Variants in ACO1 observed in about 807,000 individuals in gnomAD.
ACO1 encodes the protein cytoplasmic aconitate hydratase.
A neutral mutation model predicts 105.1 loss-of-function variants in ACO1; 78 were observed. That is an observed-to-expected ratio of 0.74 (90% CI 0.62 to 0.90). The LOEUF (loss-of-function observed/expected upper bound fraction) is 0.90, where lower values mean the gene tolerates loss of function less well. ACO1 is among the 40% of genes least tolerant of loss of function. ACO1 has a pLI of 0.00. For synonymous variants in ACO1, 364 were observed against 397.4 expected (o/e 0.92, Z 1.00); for missense variants, 965 against 1,111.1 (o/e 0.87, Z 1.87).
chr9:32,426,186 G>A (rs1360399349), intron 11 of ACO1, among the ~76,000 whole-genome samples, 189 bp downstream of exon 11: 1 of 152,148 alleles, frequency 6.6e-6, no homozygotes, highest in African/African-American at 2.4e-5. Context: ...TTTTAAAATC[G>A]AATGCACACT....
At chr9:32,417,666 C>T (rs565182338) in intron 4 of ACO1, among the ~76,000 whole-genome samples, 1 of 152,312 alleles carries the variant, frequency 6.6e-6, no homozygotes, top group Admixed American at 6.5e-5. Context: ...GGTACTGATC[C>T]TCTAAGCATT....
At chr9:32,431,877 G>A in intron 15 of ACO1, 34 bp downstream of exon 15, 1 of 1,611,668 alleles carries the variant, frequency 6.2e-7, no homozygotes, top group Non-Finnish European at 8.5e-7. Flanking sequence ...CGCCCCAGAG[G>A]ATCTAAGGGA....
intron 14 of ACO1, 22 bp downstream of exon 14, chr9:32,430,596 C>A: frequency 6.4e-7 from 1 of 1,570,970 alleles, no homozygotes; most frequent in Non-Finnish European, 8.6e-7. Context: ...TTTGTGCAGC[C>A]ATAATTTTTT....
At position 32,407,339 on chromosome 9, in the gene ACO1, A is replaced by G. The variant is rs1821634092; in HGVS notation, c.176A>G (p.Asp59Gly). 3.7e-6 allele frequency: 6 copies of G among 1,614,066 alleles called. No homozygotes were observed. The highest frequency in any genetic ancestry group is 1.1e-5 in the South Asian group (1 of 91,086). The change falls in exon 3 of 21, where the codon GAT (aspartate) becomes GGT (glycine). Residue 59 changes from aspartate to glycine, a missense_variant. Asp to Gly is a moderately conservative substitution (Grantham distance 94). Coordinates refer to ENST00000309951, the MANE Select transcript of ACO1 (RefSeq NM_002197.3). ...GATGAGTTTTTGGTGAAGAAACAGG[A>G]TATTGAAAATATTCTACATTGGAAT... ...NCDEFLVKKQ[D>G]IENILHWNVT...
rs533351181 is a variant in ACO1 at position 32,449,884 on chromosome 9, G to C, written c.2557-114G>C. On this transcript the variant is annotated intron_variant, in intron 20 of 20. Transcript: ENST00000309951. ...GCAGCCTTGCATGTCCTCATGTGCTGCTGGTGTTACTGAAGTGTGGACCAC... is the reference window on the plus strand; with the variant it reads ...GCAGCCTTGCATGTCCTCATGTGCTCCTGGTGTTACTGAAGTGTGGACCAC... 40 of 738,764 alleles carry C rather than the reference G, an allele frequency of 5.4e-5. No homozygotes were observed. The South Asian group carries it at 6.2e-4, about 11-fold the overall frequency. 45.8% of individuals were successfully genotyped at this position (738,764 alleles called of 1,614,324 possible).
chr9:32,431,891 C>T, intron 15 of ACO1, 48 bp downstream of exon 15: 1 of 1,607,340 alleles, frequency 6.2e-7, no homozygotes, highest in Non-Finnish European at 8.5e-7. Flanking sequence ...TAAGGGAAAG[C>T]TGCTCCCTTT....
At chr9:32,436,434 T>C in intron 18 of ACO1, 37 bp downstream of exon 18, 1 of 1,605,776 alleles carries the variant, frequency 6.2e-7, no homozygotes, top group South Asian at 1.1e-5. Flanking sequence ...GACACTAGCA[T>C]TTGTCAGCCT....
intron 1 of ACO1, among the ~76,000 whole-genome samples, chr9:32,405,149 G>A (rs538977492): frequency 6.6e-6 from 1 of 152,282 alleles, no homozygotes; most frequent in South Asian, 2.1e-4. Flanking sequence ...AAACAGCCTG[G>A]CTGTCTCCTC....
intron 15 of ACO1, among the ~76,000 whole-genome samples, chr9:32,433,405 T>G (rs1416962734): frequency 6.6e-6 from 1 of 152,078 alleles, no homozygotes; most frequent in Admixed American, 6.5e-5. Flanking sequence ...AGACAATTTT[T>G]TTTTTATTTT....
chr9:32,405,913 C>G (rs144732428), intron 2 of ACO1, among the ~76,000 whole-genome samples: 1 of 152,116 alleles, frequency 6.6e-6, no homozygotes, highest in Admixed American at 6.6e-5. Context: ...AGCTAAGGCC[C>G]AAGAGTCAAT....
intron 19 of ACO1, among the ~76,000 whole-genome samples, chr9:32,443,466 G>A (rs145068404): frequency 1.6e-3 from 248 of 152,292 alleles, no homozygotes; most frequent in African/African-American, 5.4e-3. Flanking sequence ...AAAGGTTACT[G>A]TCATCACTGT....
intron 4 of ACO1, 143 bp downstream of exon 4, chr9:32,408,794 G>T (rs570128113): frequency 2.0e-6 from 2 of 988,982 alleles, no homozygotes; most frequent in Non-Finnish European, 1.4e-6. Context: ...TATACATTTC[G>T]CAGTAAAGAT....
chr9:32,434,719 A>C lies in ACO1; in HGVS notation c.2099+18A>C, dbSNP rs773979410. On this transcript the variant is annotated intron_variant, in intron 17 of 20. Coordinates refer to ENST00000309951, the MANE Select transcript of ACO1 (RefSeq NM_002197.3). ...AACAGAGGGTAAGTATGAATGAGGC[A>C]GGAAGGACTAAAGGCAAAAATGGAG... 6.2e-7 allele frequency: 1 copy of C among 1,613,150 alleles called. No individual in the cohort carries two copies. The highest frequency in any genetic ancestry group is 8.5e-7 in the Non-Finnish European group (1 of 1,179,230).
Position 32,405,490 on chromosome 9 carries a change from C to T in ACO1, c.-17C>T, listed in dbSNP as rs755604412. The T allele has an allele frequency of 1.5e-5, 24 of 1,576,744 alleles. No individual in the cohort carries two copies. The highest frequency in any genetic ancestry group is 1.1e-4 in the East Asian group (5 of 44,704). On this transcript the variant is annotated 5_prime_UTR_variant, in exon 2 of 21. The change creates a new upstream start codon in the 5' untranslated region. Transcript: ENST00000309951. ...ATGTTCTCTTTTCTTTTCAGGAACA[C>T]GTGGCCATCAGTAATCATGAGCAAC... is the stretch of plus-strand genomic sequence containing the variant.
chr9:32,428,200 C>A (rs1487024686), intron 12 of ACO1, among the ~76,000 whole-genome samples: 1 of 148,212 alleles, frequency 6.7e-6, no homozygotes, highest in African/African-American at 2.5e-5. Flanking sequence ...TGCAGGATGG[C>A]TTGAGCCCAG....
At chr9:32,421,850 A>T (rs545502343) in intron 8 of ACO1, among the ~76,000 whole-genome samples, 1 of 152,262 alleles carries the variant, frequency 6.6e-6, no homozygotes, top group Non-Finnish European at 1.5e-5. Flanking sequence ...AGATCTCTGG[A>T]TGAAGTGAAG....
At chr9:32,430,681 T>C (rs1362410120) in intron 14 of ACO1, 107 bp downstream of exon 14, 2 of 1,238,402 alleles carry the variant, frequency 1.6e-6, no homozygotes, top group Non-Finnish European at 2.2e-6. Context: ...CCTCCAGGGA[T>C]AAGACAAAGA....
At chr9:32,431,665 T>C (rs1822239058) in intron 14 of ACO1, 54 bp from the exon 15 acceptor site, 1 of 1,599,864 alleles carries the variant, frequency 6.3e-7, no homozygotes, top group African/African-American at 1.3e-5. Flanking sequence ...CTCTGTATAA[T>C]CATGAAAATT....
intron 2 of ACO1, 62 bp from the exon 3 acceptor site, chr9:32,407,199 C>T: frequency 6.6e-7 from 1 of 1,525,202 alleles, no homozygotes; most frequent in South Asian, 1.2e-5. Flanking sequence ...AGAGATTGGC[C>T]TTAAAGAGCG....
Sources: gnomAD v4.1 joint callset for allele counts (sites outside exome capture counted in the v4.1 genomes callset) on GRCh38, gnomAD v4.1.1 for gene constraint, MANE v1.5 for transcripts, NCBI Gene and HGNC (gene_info 2026-07-23, HGNC 2026-07-21) for gene names.